INSC: variants seen among roughly 807,000 people sequenced by gnomAD.
INSC encodes INSC spindle orientation adaptor protein.
Under a neutral mutation model 58.6 loss-of-function variants are expected in INSC, and 67 were observed. That is an observed-to-expected ratio of 1.14 (90% CI 0.94 to 1.40). The LOEUF (loss-of-function observed/expected upper bound fraction) is 1.40. Among genes scored for constraint, INSC ranks in the 40% most tolerant of loss-of-function variants. INSC has a pLI of 0.00. For synonymous variants in INSC, 262 were observed against 276.1 expected, an observed-to-expected ratio of 0.95 and a Z score of 0.51; for missense variants, 714 against 692.0, an observed-to-expected ratio of 1.03 and a Z score of -0.36.
At chr11:15,232,339 G>C (rs1285304294) in intron 9 of INSC, among the ~76,000 whole-genome samples, 2 of 152,164 alleles carry the variant, frequency 1.3e-5, no homozygotes, top group Admixed American at 6.5e-5. Flanking sequence ...CCTGCCCAGA[G>C]CGAGCCATAT....
At chr11:15,251,017 G>C (rs1001357712), downstream of INSC, among the ~76,000 whole-genome samples, 9 of 152,320 alleles carry the variant, frequency 5.9e-5, no homozygotes, top group South Asian at 8.3e-4. Context: ...CTGAATCTCT[G>C]TAAGAACAGT....
chr11:15,243,944 G>A (rs1178983263), intron 12 of INSC, among the ~76,000 whole-genome samples: 4 of 145,886 alleles, frequency 2.7e-5, no homozygotes, highest in Non-Finnish European at 6.0e-5. Flanking sequence ...TCTTCACCAA[G>A]TTCATCTCTG....
intron 7 of INSC, among the ~76,000 whole-genome samples, chr11:15,207,507 T>A (rs1254722682): frequency 6.6e-6 from 1 of 152,088 alleles, no homozygotes. Context: ...CGCCCCACCC[T>A]CATTTCCTGG....
At chr11:15,125,522 A>T (rs534921930) in intron 1 of INSC, among the ~76,000 whole-genome samples, 1 of 152,252 alleles carries the variant, frequency 6.6e-6, no homozygotes, top group East Asian at 1.9e-4. Context: ...GGTGGCTAGG[A>T]CCAAGGTCCA....
At chr11:15,245,402 C>T (rs988314374) in intron 12 of INSC, among the ~76,000 whole-genome samples, 1 of 152,156 alleles carries the variant, frequency 6.6e-6, no homozygotes, top group African/African-American at 2.4e-5. Context: ...ATACTCATTG[C>T]TCATTGTGTG....
intron 9 of INSC, among the ~76,000 whole-genome samples, chr11:15,234,300 T>A (rs1401562142): frequency 6.6e-6 from 1 of 152,224 alleles, no homozygotes; most frequent in Non-Finnish European, 1.5e-5. Context: ...GGAATCCCCT[T>A]CCAATATGTG....
intron 7 of INSC, among the ~76,000 whole-genome samples, chr11:15,208,747 T>A (rs980650008): frequency 1.3e-5 from 2 of 152,022 alleles, no homozygotes; most frequent in Non-Finnish European, 2.9e-5. Flanking sequence ...CAGCAGTGGG[T>A]TTGCAGGAGC....
intron 5 of INSC, among the ~76,000 whole-genome samples, chr11:15,183,403 T>C (rs909625793): frequency 2.0e-5 from 3 of 148,790 alleles, no homozygotes; most frequent in Non-Finnish European, 4.5e-5. Flanking sequence ...TTTTTCCAAG[T>C]GTGAGCAGCT....
At chr11:15,245,123 T>A (rs988282736) in intron 12 of INSC, among the ~76,000 whole-genome samples, 1 of 152,144 alleles carries the variant, frequency 6.6e-6, no homozygotes, top group Non-Finnish European at 1.5e-5. Flanking sequence ...GGGAGATAAA[T>A]ACCTAAAAGC....
chr11:15,225,888 G>T (rs1851619123), intron 9 of INSC, 60 bp downstream of exon 9: 2 of 1,524,846 alleles, frequency 1.3e-6, no homozygotes, highest in African/African-American at 2.8e-5. Context: ...GAAGTTAGGA[G>T]GCCAGCACGT....
At chr11:15,258,131 A>G in the INSC span, among the ~76,000 whole-genome samples, 2 of 152,170 alleles carry the variant, frequency 1.3e-5, no homozygotes, top group African/African-American at 4.8e-5. Flanking sequence ...TGTTTGTTAT[A>G]TTATTCTCTA....
intron 9 of INSC, chr11:15,235,208 C>T: frequency 3.9e-6 from 1 of 257,884 alleles, no homozygotes. Flanking sequence ...AGAGTAAGAG[C>T]TAGCTGTCAG....
At chr11:15,130,349 C>T (rs1017376350) in intron 1 of INSC, among the ~76,000 whole-genome samples, 4 of 152,054 alleles carry the variant, frequency 2.6e-5, no homozygotes, top group Admixed American at 1.3e-4. Context: ...TTGAGATGGC[C>T]GTAAGGTTTT....
chr11:15,267,475 A>G, the INSC span, among the ~76,000 whole-genome samples: 1 of 151,686 alleles, frequency 6.6e-6, no homozygotes, highest in Non-Finnish European at 1.5e-5. Flanking sequence ...TTATATTGCT[A>G]TGTCTTCAGG....
intron 8 of INSC, 24 bp downstream of exon 8, chr11:15,221,672 C>T (rs985788756): frequency 1.9e-6 from 3 of 1,586,698 alleles, no homozygotes; most frequent in Non-Finnish European, 2.6e-6. Context: ...GGCAGCGGGA[C>T]CACTAGGAGA....
At position 15,239,201 on chromosome 11, in the gene INSC, G is replaced by T. The variant is rs913006020; in HGVS notation, c.1393+127G>T. ...GGCTGGCATAAGCCCTGTCTCTGGG[G>T]GCTCAGGGGTGGAGGCTCAGGGGTG... On this transcript the variant is annotated intron_variant, in intron 11 of 12. Coordinates refer to ENST00000379556, the MANE Select transcript of INSC (RefSeq NM_001042536.3). 7.6e-6 allele frequency: 9 copies of T among 1,188,618 alleles called. No homozygotes were observed. The Admixed American group carries it at 1.4e-4, about 18-fold the overall frequency. 73.6% of individuals were successfully genotyped at this position (1,188,618 alleles called of 1,614,324 possible).
Position 15,190,795 on chromosome 11 carries a change from T to C in INSC, c.674T>C (p.Leu225Ser). The C allele has an allele frequency of 6.2e-7, 1 of 1,613,394 alleles. No homozygotes were observed. The highest frequency in any genetic ancestry group is 8.5e-7 in the Non-Finnish European group (1 of 1,179,356). ...AGCCTGACCCAGGAGGGGGCTCCCT[T>C]GTGCCGCATCATAGCCAAGGTGAGC... ...LFSLTQEGAP[L>S]CRIIAKEGGV... Residue 225 changes from leucine to serine, a missense_variant, in exon 6 of 13, where the codon TTG becomes TCG. Transcript: ENST00000379556.
chr11:15,175,177 AT>A (rs1444320130), intron 2 of INSC, among the ~76,000 whole-genome samples: 1 of 152,106 alleles, frequency 6.6e-6, no homozygotes, highest in African/African-American at 2.4e-5. Flanking sequence ...TCCTTTAAAT[AT>A]TTTTCCTAGA....
intron 2 of INSC, among the ~76,000 whole-genome samples, chr11:15,154,448 A>T (rs975786991): frequency 1.3e-5 from 2 of 152,228 alleles, no homozygotes; most frequent in Admixed American, 1.3e-4. Flanking sequence ...ACGCCCTTTG[A>T]GTGGGAGCCA....
Sources: gnomAD v4.1 joint callset for allele counts (sites outside exome capture counted in the v4.1 genomes callset) on GRCh38, gnomAD v4.1.1 for gene constraint, MANE v1.5 for transcripts, NCBI Gene and HGNC (gene_info 2026-07-23, HGNC 2026-07-21) for gene names.